OSBPL8: variants seen among roughly 807,000 people sequenced by gnomAD.
OSBPL8 encodes oxysterol-binding protein-related protein 8.
A neutral mutation model predicts 125.5 loss-of-function variants in OSBPL8; 59 were observed. The ratio of observed to expected loss-of-function variants is 0.47; its 90% CI spans 0.38 to 0.58. The LOEUF (loss-of-function observed/expected upper bound fraction) is 0.58. OSBPL8 is among the 20% of genes least tolerant of loss of function. The pLI is 0.00. For synonymous variants in OSBPL8, 330 were observed against 338.9 expected (o/e 0.97, Z 0.29); for missense variants, 758 against 1,047.8 (o/e 0.72, Z 3.82).
At chr12:76,530,551 T>C (rs1449985359) in intron 1 of OSBPL8, among the ~76,000 whole-genome samples, 3 of 152,192 alleles carry the variant, frequency 2.0e-5, no homozygotes, top group Non-Finnish European at 4.4e-5. Flanking sequence ...CCAACTACTT[T>C]TTTTTCCAAG....
chr12:76,525,306 T>C (rs1950142792), intron 1 of OSBPL8, among the ~76,000 whole-genome samples: 1 of 152,100 alleles, frequency 6.6e-6, no homozygotes, highest in South Asian at 2.1e-4. Context: ...AACAGAAAAA[T>C]ATACACATAA....
intron 1 of OSBPL8, among the ~76,000 whole-genome samples, chr12:76,514,234 T>C (rs914700330): frequency 6.6e-6 from 1 of 151,902 alleles, no homozygotes; most frequent in African/African-American, 2.4e-5. Context: ...AACCTCCGCC[T>C]CCCGGGTTCA....
Position 76,355,869 on chromosome 12 carries a change from G to A in OSBPL8, c.*20C>T. ...CCAAATCAGATCTTTCTAGTTCACTGATTCAATGGTAGAGAACTTCTACTT... is the reference window on the plus strand; with the variant it reads ...CCAAATCAGATCTTTCTAGTTCACTAATTCAATGGTAGAGAACTTCTACTT... On this transcript the variant is annotated 3_prime_UTR_variant, in exon 24 of 24. Transcript: ENST00000261183. The A allele has an allele frequency of 6.2e-7, 1 of 1,609,900 alleles. No homozygotes were observed. The highest frequency in any genetic ancestry group is 8.5e-7 in the Non-Finnish European group (1 of 1,178,016).
intron 9 of OSBPL8, among the ~76,000 whole-genome samples, chr12:76,393,355 G>A (rs1303318720): frequency 6.6e-6 from 1 of 152,082 alleles, no homozygotes; most frequent in Non-Finnish European, 1.5e-5. Flanking sequence ...TTCAAGATTT[G>A]CTGGGAATAT....
At chr12:76,428,601 A>G (rs1317812648) in intron 4 of OSBPL8, among the ~76,000 whole-genome samples, 2 of 152,098 alleles carry the variant, frequency 1.3e-5, no homozygotes, top group Non-Finnish European at 2.9e-5. Flanking sequence ...AGATTTTAAA[A>G]TCCTTAAAGC....
chr12:76,388,469 G>GA (rs1953415084), intron 12 of OSBPL8, among the ~76,000 whole-genome samples: 1 of 152,170 alleles, frequency 6.6e-6, no homozygotes, highest in Non-Finnish European at 1.5e-5. Context: ...CATCTCTCAA[G>GA]AAAATCTTGT....
At chr12:76,393,710 C>CAAAAAA (rs11423585) in intron 9 of OSBPL8, among the ~76,000 whole-genome samples, 2 of 52,294 alleles carry the variant, frequency 3.8e-5, no homozygotes, top group African/African-American at 6.6e-5. Context: ...GACTCCGTTT[C>CAAAAAA]AAAAAAAAAA....
chr12:76,553,007 T>C (rs776796564), intron 1 of OSBPL8, among the ~76,000 whole-genome samples: 2 of 152,198 alleles, frequency 1.3e-5, no homozygotes, highest in African/African-American at 2.4e-5. Flanking sequence ...ATCATAACAA[T>C]GCACAAAATT....
At chr12:76,402,209 G>C (rs1309590166) in intron 6 of OSBPL8, among the ~76,000 whole-genome samples, 1 of 152,152 alleles carries the variant, frequency 6.6e-6, no homozygotes. Flanking sequence ...AGATTCTATG[G>C]CCACTCAGGA....
chr12:76,439,615 T>C (rs1231370502), intron 4 of OSBPL8, among the ~76,000 whole-genome samples: 1 of 152,172 alleles, frequency 6.6e-6, no homozygotes, highest in Non-Finnish European at 1.5e-5. Flanking sequence ...AGGATTTGTT[T>C]GTAAACCTGA....
At chr12:76,524,514 C>T (rs890338151) in intron 1 of OSBPL8, among the ~76,000 whole-genome samples, 10 of 151,952 alleles carry the variant, frequency 6.6e-5, no homozygotes, top group East Asian at 1.9e-4. Context: ...TCCTGAAAAA[C>T]GGGTATAATA....
intron 4 of OSBPL8, among the ~76,000 whole-genome samples, chr12:76,428,362 T>C (rs1034745430): frequency 1.1e-4 from 17 of 151,956 alleles, no homozygotes; most frequent in Non-Finnish European, 1.2e-4. Flanking sequence ...TTTTAATGAG[T>C]TGTCTGGACA....
At chr12:76,408,124 T>C (rs1954347778) in intron 5 of OSBPL8, among the ~76,000 whole-genome samples, 1 of 122,966 alleles carries the variant, frequency 8.1e-6, no homozygotes, top group South Asian at 2.5e-4. Flanking sequence ...TTGGGCAATA[T>C]AGTGAGGCCC....
At chr12:76,393,845 A>G (rs530894553) in intron 9 of OSBPL8, among the ~76,000 whole-genome samples, 1 of 151,786 alleles carries the variant, frequency 6.6e-6, no homozygotes, top group African/African-American at 2.4e-5. Flanking sequence ...AACATGGTGA[A>G]ACCGTCTCTA....
chr12:76,412,420 A>G (rs772625483), intron 4 of OSBPL8, among the ~76,000 whole-genome samples: 1 of 151,644 alleles, frequency 6.6e-6, no homozygotes, highest in Non-Finnish European at 1.5e-5. Context: ...TTACATGTAA[A>G]TTATACCTCA....
chr12:76,373,609 A>G (rs1326278342), intron 17 of OSBPL8, 176 bp from the exon 18 acceptor site: 3 of 475,014 alleles, frequency 6.3e-6, no homozygotes, highest in Non-Finnish European at 1.1e-5. Context: ...AAGAAATCTG[A>G]ATTGCTGCTA....
At chr12:76,418,966 T>C (rs1424486300) in intron 4 of OSBPL8, among the ~76,000 whole-genome samples, 1 of 152,214 alleles carries the variant, frequency 6.6e-6, no homozygotes, top group African/African-American at 2.4e-5. Flanking sequence ...CTGGGCATGA[T>C]GGCTCATGCC....
Position 76,371,530 on chromosome 12 carries a change from T to C in OSBPL8, c.1972A>G (p.Asn658Asp), listed in dbSNP as rs370762001. The C allele has an allele frequency of 1.7e-5, 27 of 1,610,996 alleles. No individual in the cohort carries two copies. The highest frequency in any genetic ancestry group is 2.2e-5 in the Non-Finnish European group (26 of 1,178,596). The change falls in exon 19 of 24, where the codon AAT (asparagine) becomes GAT (aspartate). Residue 658 changes from asparagine (N) to aspartate (D), a missense_variant. By Grantham distance (23) the Asn-to-Asp change is conservative. Around this residue, in one of 3 missense-constraint regions of OSBPL8, gnomAD observed 572 missense variants for 762.0 expected, o/e 0.75. Coordinates refer to ENST00000261183, the MANE Select transcript of OSBPL8 (RefSeq NM_020841.5). ...CATTGCTTAATGTCAGGTGTTGGATTCCAGAAAACCTCTGAATTATCAGTC... is the reference window on the plus strand; with the variant it reads ...CATTGCTTAATGTCAGGTGTTGGATCCCAGAAAACCTCTGAATTATCAGTC... ...KKTDNSEVFWNPTPDIKQWRL... is the reference protein window; with the variant it reads ...KKTDNSEVFWDPTPDIKQWRL...
At chr12:76,545,147 C>G (rs1950749381) in intron 1 of OSBPL8, among the ~76,000 whole-genome samples, 1 of 152,094 alleles carries the variant, frequency 6.6e-6, no homozygotes, top group Admixed American at 6.6e-5. Flanking sequence ...ACAAGGGTGT[C>G]TCAAAGAGTA....
Sources: allele counts gnomAD v4.1 joint callset (sites outside exome capture counted in the v4.1 genomes callset), GRCh38; gene constraint gnomAD v4.1.1; regional missense constraint gnomAD v4.1.1; transcripts MANE v1.5; gene names NCBI Gene and HGNC (gene_info 2026-07-23, HGNC 2026-07-21).